Variants in CHSY3 observed in about 807,000 individuals in gnomAD.
CHSY3 encodes the protein N-acetylgalactosaminyl-proteoglycan 3-beta-glucuronosyltransferase 3.
Under a neutral mutation model 67.2 loss-of-function variants are expected in CHSY3, and 35 were observed. The observed-to-expected ratio is 0.52, with a 90% CI of 0.40 to 0.69. CHSY3 has a LOEUF of 0.69. Ranked by LOEUF, CHSY3 falls within the 30% of genes least tolerant of loss-of-function variation. The pLI, the probability that CHSY3 is intolerant of heterozygous loss-of-function variation, is 0.00. For synonymous variants in CHSY3, 474 were observed against 434.7 expected, an observed-to-expected ratio of 1.09 and a Z score of -1.12; for missense variants, 1,069 against 1,138.5, an observed-to-expected ratio of 0.94 and a Z score of 0.88.
chr5:129,905,812 C>G (rs939626060), intron 1 of CHSY3, 181 bp downstream of exon 1: 5 of 1,327,318 alleles, frequency 3.8e-6, no homozygotes, highest in Admixed American at 5.8e-5. Flanking sequence ...GCCCGTTCCT[C>G]GTCTTCTGCA....
At chr5:129,945,174 C>A (rs1293104670) in intron 2 of CHSY3, among the ~76,000 whole-genome samples, 1 of 152,216 alleles carries the variant, frequency 6.6e-6, no homozygotes, top group Non-Finnish European at 1.5e-5. Context: ...GTTTGTGAAT[C>A]ATTCTGAAGG....
intron 2 of CHSY3, chr5:130,141,762 G>A: frequency 2.2e-6 from 1 of 464,020 alleles, no homozygotes; most frequent in South Asian, 1.7e-5. Context: ...TCAACTGGCT[G>A]GATAAGAATC....
intron 2 of CHSY3, among the ~76,000 whole-genome samples, chr5:130,008,424 A>T (rs374857575): frequency 1.3e-5 from 2 of 152,218 alleles, no homozygotes; most frequent in East Asian, 3.8e-4. Flanking sequence ...AACTTATACC[A>T]TAGTCAAAGG....
chr5:130,153,373 T>A (rs78257906), intron 2 of CHSY3, among the ~76,000 whole-genome samples: 6,586 of 152,218 alleles, frequency 0.043, 378 homozygotes, highest in East Asian at 0.27. Context: ...TATACCCTTC[T>A]CCTAGCCATT....
intron 2 of CHSY3, among the ~76,000 whole-genome samples, chr5:130,014,743 C>T (rs1250874553): frequency 2.6e-5 from 4 of 152,104 alleles, no homozygotes; most frequent in Non-Finnish European, 5.9e-5. Flanking sequence ...AGACCTAAAG[C>T]TTTAAAAATC....
intron 2 of CHSY3, among the ~76,000 whole-genome samples, chr5:130,164,338 A>G (rs1439972814): frequency 6.6e-6 from 1 of 152,196 alleles, no homozygotes; most frequent in Non-Finnish European, 1.5e-5. Flanking sequence ...AAATTGATTG[A>G]CTAGGACGCG....
At chr5:129,965,435 A>C (rs1467285154) in intron 2 of CHSY3, among the ~76,000 whole-genome samples, 2 of 151,958 alleles carry the variant, frequency 1.3e-5, no homozygotes, top group East Asian at 3.9e-4. Context: ...AGTTTGCTTT[A>C]ACTGTCAGTC....
chr5:129,968,485 G>A (rs964276042), intron 2 of CHSY3, among the ~76,000 whole-genome samples: 2 of 151,756 alleles, frequency 1.3e-5, no homozygotes, highest in Non-Finnish European at 2.9e-5. Context: ...AAACCATTTA[G>A]ATGGGGAAGT....
intron 2 of CHSY3, among the ~76,000 whole-genome samples, chr5:130,110,930 AT>A (rs1443334143): frequency 6.6e-6 from 1 of 151,732 alleles, no homozygotes; most frequent in Non-Finnish European, 1.5e-5. Flanking sequence ...TTAATAATTT[AT>A]TTTTATTAAA....
intron 2 of CHSY3, among the ~76,000 whole-genome samples, chr5:129,931,512 A>C (rs907371677): frequency 6.6e-6 from 1 of 152,212 alleles, no homozygotes; most frequent in Admixed American, 6.5e-5. Context: ...ACATTATACA[A>C]GTTATTGTGG....
At chr5:129,924,008 A>T (rs1761009958) in intron 2 of CHSY3, among the ~76,000 whole-genome samples, 1 of 152,212 alleles carries the variant, frequency 6.6e-6, no homozygotes, top group Non-Finnish European at 1.5e-5. Flanking sequence ...ATTGTATCAC[A>T]GCCATAGAAT....
chr5:130,104,178 G>A (rs1767340806), intron 2 of CHSY3, among the ~76,000 whole-genome samples: 1 of 151,638 alleles, frequency 6.6e-6, no homozygotes, highest in Non-Finnish European at 1.5e-5. Flanking sequence ...CAGAAGCACA[G>A]AGTTATAACA....
intron 2 of CHSY3, among the ~76,000 whole-genome samples, chr5:130,181,198 C>T (rs1770232821): frequency 6.6e-6 from 1 of 152,082 alleles, no homozygotes; most frequent in Admixed American, 6.6e-5. Context: ...CTGGAGGTTC[C>T]ATGAAATCCA....
intron 2 of CHSY3, among the ~76,000 whole-genome samples, chr5:130,064,338 G>A (rs888898161): frequency 1.1e-4 from 17 of 152,104 alleles, no homozygotes; most frequent in Admixed American, 6.5e-4. Context: ...CATTTTACAC[G>A]GAAAAATTGA....
At chr5:130,004,495 A>G (rs1320036111) in intron 2 of CHSY3, among the ~76,000 whole-genome samples, 2 of 152,200 alleles carry the variant, frequency 1.3e-5, no homozygotes, top group Non-Finnish European at 2.9e-5. Flanking sequence ...GCATAGAAGC[A>G]ATAGTTACCC....
chr5:129,958,445 G>T (rs1410041127), intron 2 of CHSY3, among the ~76,000 whole-genome samples: 1 of 152,120 alleles, frequency 6.6e-6, no homozygotes, highest in African/African-American at 2.4e-5. Context: ...CAGGGAAGCT[G>T]CTGTCCAATG....
intron 2 of CHSY3, among the ~76,000 whole-genome samples, chr5:130,091,138 A>ACACG (rs1766865859): frequency 3.0e-5 from 3 of 98,886 alleles, no homozygotes; most frequent in African/African-American, 1.1e-4. Flanking sequence ...ACACACACGC[A>ACACG]CACGCGCGCA....
At chr5:130,068,636 C>T (rs1420544337) in intron 2 of CHSY3, among the ~76,000 whole-genome samples, 3 of 152,080 alleles carry the variant, frequency 2.0e-5, no homozygotes, top group African/African-American at 4.8e-5. Context: ...GAAGCAAGTT[C>T]ATAGGAATAA....
chr5:129,953,735 G>A (rs995362892), intron 2 of CHSY3, among the ~76,000 whole-genome samples: 1 of 152,170 alleles, frequency 6.6e-6, no homozygotes, highest in Admixed American at 6.5e-5. Context: ...GACCAGTGAT[G>A]ATGAGCTTTT....
Sources: gnomAD v4.1 joint callset for allele counts (sites outside exome capture counted in the v4.1 genomes callset) on GRCh38, gnomAD v4.1.1 for gene constraint, MANE v1.5 for transcripts, NCBI Gene and HGNC (gene_info 2026-07-23, HGNC 2026-07-21) for gene names.